The following RBFOX1 variants were observed in gnomAD, a reference collection of about 807,000 sequenced individuals.
RBFOX1 encodes the protein RNA binding fox-1 homolog 1.
A neutral mutation model predicts 57.7 loss-of-function variants in RBFOX1; 8 were observed. The ratio of observed to expected loss-of-function variants is 0.14; its 90% CI spans 0.08 to 0.25. RBFOX1 has a LOEUF of 0.25. Ranked by LOEUF, RBFOX1 falls within the 10% of genes least tolerant of loss-of-function variation. RBFOX1 has a pLI of 1.00. For missense variants in RBFOX1, 611 were observed against 548.5 expected (o/e 1.11, Z -1.14); for synonymous variants, 326 against 222.4 (o/e 1.47, Z -4.15).
At chr16:7,263,885 A>G (rs1050120770) in intron 4 of RBFOX1, among the ~76,000 whole-genome samples, 1 of 150,720 alleles carries the variant, frequency 6.6e-6, no homozygotes, top group Non-Finnish European at 1.5e-5. Context: ...GGGCAACAAG[A>G]GCAAAACTCA....
chr16:6,702,722 G>C (rs2062047174), intron 3 of RBFOX1, among the ~76,000 whole-genome samples: 5 of 152,108 alleles, frequency 3.3e-5, no homozygotes, highest in African/African-American at 1.2e-4. Flanking sequence ...TCTGGTTTTT[G>C]TTTTAGTCTT....
chr16:6,140,937 A>T (rs548392772), intron 1 of RBFOX1, among the ~76,000 whole-genome samples: 1 of 152,184 alleles, frequency 6.6e-6, no homozygotes, highest in Non-Finnish European at 1.5e-5. Context: ...CCAGTGGTCA[A>T]TGTGTAGTCT....
At chr16:6,893,486 C>T (rs938609953) in intron 3 of RBFOX1, among the ~76,000 whole-genome samples, 1 of 152,038 alleles carries the variant, frequency 6.6e-6, no homozygotes, top group Non-Finnish European at 1.5e-5. Context: ...TAGAGAGGTC[C>T]CTTGTCAGTA....
intron 3 of RBFOX1, among the ~76,000 whole-genome samples, chr16:5,859,174 C>T (rs2057147524): frequency 6.6e-6 from 1 of 152,172 alleles, no homozygotes; most frequent in African/African-American, 2.4e-5. Flanking sequence ...CACGGCACTC[C>T]AGCCTGGGCG....
intron 1 of RBFOX1, among the ~76,000 whole-genome samples, chr16:5,386,746 C>T (rs528693853): frequency 5.9e-5 from 9 of 152,272 alleles, no homozygotes; most frequent in Admixed American, 1.3e-4. Flanking sequence ...GCTCACCAGC[C>T]GTACTTCTAA....
chr16:7,391,979 G>A (rs1419184843), intron 4 of RBFOX1, among the ~76,000 whole-genome samples: 1 of 152,134 alleles, frequency 6.6e-6, no homozygotes, highest in Admixed American at 6.5e-5. Flanking sequence ...GCTGCCCTTA[G>A]AATACAAGCT....
At chr16:6,798,873 T>C (rs1484423057) in intron 3 of RBFOX1, among the ~76,000 whole-genome samples, 1 of 152,170 alleles carries the variant, frequency 6.6e-6, no homozygotes, top group Non-Finnish European at 1.5e-5. Context: ...TTTGAACTGA[T>C]GACTCTTCCT....
chr16:7,106,616 C>CATA (rs953914472), intron 4 of RBFOX1, among the ~76,000 whole-genome samples: 4 of 151,912 alleles, frequency 2.6e-5, no homozygotes, highest in African/African-American at 9.7e-5. Context: ...AAGGTCCTGG[C>CATA]ATAATAATAA....
At chr16:5,446,623 C>T (rs1221117552) in intron 1 of RBFOX1, among the ~76,000 whole-genome samples, 3 of 152,108 alleles carry the variant, frequency 2.0e-5, no homozygotes, top group African/African-American at 7.2e-5. Flanking sequence ...CTGAAGACCC[C>T]TGTGGATTTC....
intron 2 of RBFOX1, among the ~76,000 whole-genome samples, chr16:6,589,468 G>A (rs945982280): frequency 6.6e-6 from 1 of 152,158 alleles, no homozygotes; most frequent in Non-Finnish European, 1.5e-5. Context: ...CTTCCTCGGT[G>A]GGGTCCACAG....
intron 1 of RBFOX1, among the ~76,000 whole-genome samples, chr16:5,447,988 A>T (rs565096965): frequency 3.3e-5 from 5 of 152,202 alleles, no homozygotes; most frequent in Non-Finnish European, 7.3e-5. Context: ...GTTCTGGGTC[A>T]GCTCTCACTT....
intron 4 of RBFOX1, among the ~76,000 whole-genome samples, chr16:7,332,004 C>A (rs2096704415): frequency 6.6e-6 from 1 of 152,134 alleles, no homozygotes; most frequent in South Asian, 2.1e-4. Flanking sequence ...AAGAAGACAT[C>A]TCTTGTTAAT....
intron 4 of RBFOX1, among the ~76,000 whole-genome samples, chr16:5,876,601 C>T (rs914523696): frequency 6.6e-6 from 1 of 152,216 alleles, no homozygotes; most frequent in Non-Finnish European, 1.5e-5. Context: ...GCCTCGTTGA[C>T]TGCCTGTTTT....
Position 5,447,898 on chromosome 16 carries a change from T to C in RBFOX1, c.220-19318T>C, listed in dbSNP as rs186335344. Among the ~76,000 whole-genome samples the C allele has an allele frequency of 1.6e-3, 245 of 152,318 alleles. 1 individual carries two copies. Among genetic ancestry groups the C allele is most frequent in the African/African-American group, 5.8e-3 (239 of 41,556 alleles). Reference sequence around the variant, plus strand: ...GTGACACTTTTCATTTCAGGTGGCCTCCATGCTGCTCTGGCCTTTTCCCAC... The same window carrying C: ...GTGACACTTTTCATTTCAGGTGGCCCCCATGCTGCTCTGGCCTTTTCCCAC... On this transcript the variant is annotated intron_variant, in intron 1 of 2. Transcript: ENST00000585867.
intron 3 of RBFOX1, among the ~76,000 whole-genome samples, chr16:6,968,299 C>G (rs956945666): frequency 6.6e-6 from 1 of 152,216 alleles, no homozygotes; most frequent in Non-Finnish European, 1.5e-5. Flanking sequence ...GAAAAGCAGC[C>G]TGGTGAAATT....
At chr16:7,368,897 C>A (rs9931249) in intron 4 of RBFOX1, among the ~76,000 whole-genome samples, 4,153 of 152,102 alleles carry the variant, frequency 0.027, 190 homozygotes, top group African/African-American at 0.09. Context: ...AAGAAAGTGC[C>A]CTCTAATGGC....
chr16:7,608,190 C>G (rs998170083), intron 10 of RBFOX1, among the ~76,000 whole-genome samples: 3 of 152,190 alleles, frequency 2.0e-5, no homozygotes, highest in African/African-American at 7.2e-5. Context: ...CCTAGAGCCA[C>G]TCCCTTAGTA....
intron 1 of RBFOX1, among the ~76,000 whole-genome samples, chr16:6,299,807 G>A (rs535536287): frequency 2.0e-5 from 3 of 152,154 alleles, no homozygotes; most frequent in Non-Finnish European, 4.4e-5. Context: ...AAACAAGTCT[G>A]TCGGGGTTCA....
chr16:6,855,334 A>G (rs2057638138), intron 3 of RBFOX1, among the ~76,000 whole-genome samples: 2 of 152,030 alleles, frequency 1.3e-5, no homozygotes, highest in South Asian at 2.1e-4. Context: ...AATTTTCAGC[A>G]GGTAGTCACA....
Sources: allele counts gnomAD v4.1 joint callset (sites outside exome capture counted in the v4.1 genomes callset), GRCh38; gene constraint gnomAD v4.1.1; transcripts MANE v1.5; gene names NCBI Gene and HGNC (gene_info 2026-07-23, HGNC 2026-07-21).